The following ITFG1 variants were observed in gnomAD, a reference collection of about 807,000 sequenced individuals.
The protein encoded by ITFG1 is T-cell immunomodulatory protein.
ITFG1 carries 34 observed loss-of-function variants against 81.8 expected under a neutral mutation model. The ratio of observed to expected loss-of-function variants is 0.42; its 90% CI spans 0.32 to 0.55. ITFG1 has a LOEUF of 0.55. Ranked by LOEUF, ITFG1 falls within the 20% of genes least tolerant of loss-of-function variation. ITFG1 has a pLI of 0.17. For missense variants in ITFG1, 672 were observed against 755.4 expected (o/e 0.89, Z 1.29); for synonymous variants, 285 against 270.6 (o/e 1.05, Z -0.52).
At chr16:47,180,244 C>T (rs1205905542) in intron 14 of ITFG1, among the ~76,000 whole-genome samples, 1 of 152,118 alleles carries the variant, frequency 6.6e-6, no homozygotes, top group Non-Finnish European at 1.5e-5. Context: ...TCAGTGATTA[C>T]GTGGAAGACA....
intron 14 of ITFG1, among the ~76,000 whole-genome samples, chr16:47,164,857 C>T (rs1964867772): frequency 6.6e-6 from 1 of 152,232 alleles, no homozygotes; most frequent in African/African-American, 2.4e-5. Context: ...CGCTGGCTTT[C>T]CATGGCTACT....
intron 12 of ITFG1, among the ~76,000 whole-genome samples, chr16:47,254,947 C>G (rs61024223): frequency 0.015 from 2,343 of 152,176 alleles, 66 homozygotes; most frequent in African/African-American, 0.054. Context: ...ATTAGCGAGG[C>G]ATGGCAGCAC....
In ITFG1 at chr16:47,260,565, A is replaced by C. The variant is rs1966197223; in HGVS notation, c.1201T>G (p.Phe401Val). The part of the protein sequence containing the change: ...NQIKDAMVAT[F>V]FDIYEDGILD... Reference sequence around the variant, plus strand: ...CTCACATCTTCGTAAATGTCAAAGAAGGTGGCAACCATGGCATCCTTAATT... The same window carrying C: ...CTCACATCTTCGTAAATGTCAAAGACGGTGGCAACCATGGCATCCTTAATT... Residue 401 changes from phenylalanine to valine, a missense_variant, in exon 11 of 18, where the codon TTC becomes GTC. Phe to Val is a conservative substitution (Grantham distance 50). Coordinates refer to ENST00000320640, the MANE Select transcript of ITFG1 (RefSeq NM_030790.5). 1.9e-6 allele frequency: 3 copies of C among 1,614,208 alleles called. No individual in the cohort carries two copies. The highest frequency in any genetic ancestry group is 1.7e-6 in the Non-Finnish European group (2 of 1,180,028).
intron 12 of ITFG1, among the ~76,000 whole-genome samples, chr16:47,257,519 A>G (rs1966154511): frequency 6.6e-6 from 1 of 152,220 alleles, no homozygotes; most frequent in South Asian, 2.1e-4. Flanking sequence ...AAGTAACACA[A>G]TGAGGAAAAC....
intron 14 of ITFG1, among the ~76,000 whole-genome samples, chr16:47,205,695 C>T (rs192731171): frequency 1.3e-5 from 2 of 152,294 alleles, no homozygotes; most frequent in Admixed American, 6.5e-5. Flanking sequence ...GAACTCCATA[C>T]TTCAACAGAC....
intron 10 of ITFG1, among the ~76,000 whole-genome samples, chr16:47,302,455 G>C (rs924795289): frequency 6.6e-6 from 1 of 151,630 alleles, no homozygotes; most frequent in Non-Finnish European, 1.5e-5. Context: ...AGGTGACAGC[G>C]TGCTGGCAGT....
chr16:47,250,583 A>G (rs1966061056), intron 12 of ITFG1, among the ~76,000 whole-genome samples: 1 of 152,230 alleles, frequency 6.6e-6, no homozygotes, highest in South Asian at 2.1e-4. Flanking sequence ...CAAGGAATTA[A>G]AAAACAGAAA....
chr16:47,173,301 C>T (rs1361285619), intron 14 of ITFG1, among the ~76,000 whole-genome samples: 1 of 152,154 alleles, frequency 6.6e-6, no homozygotes, highest in Admixed American at 6.5e-5. Flanking sequence ...TGCCTATTGT[C>T]TGTCTTCCCC....
intron 8 of ITFG1, chr16:47,365,506 GA>G (rs1968164846): frequency 3.2e-6 from 1 of 308,754 alleles, no homozygotes; most frequent in Non-Finnish European, 5.9e-6. Flanking sequence ...TTAATACCTG[GA>G]ATTCTCTAGA....
chr16:47,278,194 G>T (rs1412638378), intron 10 of ITFG1, among the ~76,000 whole-genome samples: 1 of 152,170 alleles, frequency 6.6e-6, no homozygotes, highest in African/African-American at 2.4e-5. Context: ...TTTGTGTATA[G>T]AAGTGTCAGT....
chr16:47,210,366 T>C (rs144517273), intron 14 of ITFG1, among the ~76,000 whole-genome samples: 85 of 152,292 alleles, frequency 5.6e-4, no homozygotes, highest in African/African-American at 1.9e-3. Flanking sequence ...TTCATGTCTC[T>C]TGTCCATGTT....
chr16:47,185,420 C>CT (rs1965198082), intron 14 of ITFG1, among the ~76,000 whole-genome samples: 1 of 152,198 alleles, frequency 6.6e-6, no homozygotes, highest in African/African-American at 2.4e-5. Flanking sequence ...GTCTCTCAGA[C>CT]AAAGTGCAAT....
chr16:47,353,641 C>T (rs1967998263), intron 8 of ITFG1, among the ~76,000 whole-genome samples: 1 of 151,874 alleles, frequency 6.6e-6, no homozygotes, highest in Non-Finnish European at 1.5e-5. Flanking sequence ...TCTTATATAA[C>T]CCTAGACTCC....
chr16:47,338,599 A>C (rs1967740013), intron 8 of ITFG1, among the ~76,000 whole-genome samples: 1 of 152,128 alleles, frequency 6.6e-6, no homozygotes, highest in Admixed American at 6.6e-5. Context: ...AAAATTAACC[A>C]ACAGATAAAA....
chr16:47,341,633 G>A (rs2151577774), intron 8 of ITFG1, among the ~76,000 whole-genome samples: 1 of 151,144 alleles, frequency 6.6e-6, no homozygotes. Context: ...GAAAGATAAA[G>A]AAAACGGGAT....
At chr16:47,261,089 G>C (rs182389928) in intron 10 of ITFG1, among the ~76,000 whole-genome samples, 2 of 152,302 alleles carry the variant, frequency 1.3e-5, no homozygotes, top group Non-Finnish European at 2.9e-5. Context: ...TCAAAGCAAT[G>C]AATCTATTAC....
Position 47,343,240 on chromosome 16 carries a change from T to C in ITFG1, c.802+22548A>G, listed in dbSNP as rs559177641. Among the ~76,000 whole-genome samples, 515 of 152,178 alleles carry C rather than the reference T, an allele frequency of 3.4e-3. 3 individuals are homozygous for C. The highest frequency in any genetic ancestry group is 0.01 in the Middle Eastern group (3 of 294). ...CCCAGTCCACTTACTGGAGAAAGAA[T>C]AGTCTCCTCAACAGATGTTAGAACT... On this transcript the variant is annotated intron_variant, in intron 8 of 17. Transcript: ENST00000320640.
intron 14 of ITFG1, among the ~76,000 whole-genome samples, chr16:47,212,732 C>T (rs1965578426): frequency 6.6e-6 from 1 of 152,110 alleles, no homozygotes; most frequent in South Asian, 2.1e-4. Context: ...GCATATTATT[C>T]CCTTATTATC....
chr16:47,253,910 G>A (rs1018534562), intron 12 of ITFG1, among the ~76,000 whole-genome samples: 6 of 152,030 alleles, frequency 3.9e-5, no homozygotes, highest in South Asian at 4.1e-4. Context: ...GGACCCCTGC[G>A]TTAGGGTGTG....
Sources: allele counts gnomAD v4.1 joint callset (sites outside exome capture counted in the v4.1 genomes callset), GRCh38; gene constraint gnomAD v4.1.1; transcripts MANE v1.5; gene names NCBI Gene and HGNC (gene_info 2026-07-23, HGNC 2026-07-21).